NEK11: variants seen among roughly 807,000 people sequenced by gnomAD.
NEK11 encodes the protein NIMA related kinase 11, also known as serine/threonine-protein kinase Nek11.
Under a neutral mutation model 80.7 loss-of-function variants are expected in NEK11, and 72 were observed. The ratio of observed to expected loss-of-function variants is 0.89; its 90% CI spans 0.74 to 1.08. The LOEUF is 1.08. Among genes scored for constraint, NEK11 ranks in the 50% least tolerant of loss-of-function variants. NEK11 has a pLI of 0.00. For synonymous variants in NEK11, 251 were observed against 260.7 expected (o/e 0.96, Z 0.36); for missense variants, 764 against 763.6 (o/e 1.00, Z -0.01).
chr3:131,229,907 AAACTT>A (rs981474171), intron 15 of NEK11, among the ~76,000 whole-genome samples: 28 of 152,278 alleles, frequency 1.8e-4, no homozygotes, highest in African/African-American at 5.8e-4. Context: ...GCCAAAATAA[AAACTT>A]AGCTTATACC....
chr3:131,160,913 G>T (rs1019993506), intron 10 of NEK11, among the ~76,000 whole-genome samples: 2 of 152,182 alleles, frequency 1.3e-5, no homozygotes, highest in African/African-American at 4.8e-5. Flanking sequence ...GGAGCACCCA[G>T]ATTCATAGGG....
intron 17 of NEK11, among the ~76,000 whole-genome samples, chr3:131,317,084 A>C (rs1362965978): frequency 2.6e-5 from 4 of 152,174 alleles, no homozygotes; most frequent in Admixed American, 6.5e-5. Context: ...CTTTTTGTTC[A>C]TCTCATCCAA....
intron 17 of NEK11, among the ~76,000 whole-genome samples, chr3:131,309,035 C>T (rs947516670): frequency 6.6e-6 from 1 of 152,200 alleles, no homozygotes; most frequent in Non-Finnish European, 1.5e-5. Flanking sequence ...GGTGGTAATG[C>T]TCTCTCACCT....
intron 7 of NEK11, among the ~76,000 whole-genome samples, chr3:131,145,242 C>T (rs572277846): frequency 1.2e-3 from 187 of 152,158 alleles, no homozygotes; most frequent in Admixed American, 6.3e-3. Context: ...CTGGCCTCAA[C>T]CATTGTCCCA....
intron 17 of NEK11, among the ~76,000 whole-genome samples, chr3:131,296,930 C>T (rs368414966): frequency 5.9e-5 from 9 of 151,542 alleles, no homozygotes; most frequent in East Asian, 1.9e-4. Flanking sequence ...TTTGTTCTTG[C>T]GATAGTTTAC....
At chr3:131,082,375 C>T (rs1380745459) in intron 4 of NEK11, among the ~76,000 whole-genome samples, 3 of 152,280 alleles carry the variant, frequency 2.0e-5, no homozygotes, top group Non-Finnish European at 2.9e-5. Flanking sequence ...TTACTGCTAC[C>T]TCTATTGCTG....
intron 16 of NEK11, among the ~76,000 whole-genome samples, chr3:131,260,518 C>T (rs1216971112): frequency 6.6e-6 from 1 of 152,178 alleles, no homozygotes; most frequent in Non-Finnish European, 1.5e-5. Context: ...TACTGGAACA[C>T]AGCCATGCTC....
In NEK11 at chr3:131,155,052, A is replaced by G; in HGVS notation, c.893A>G (p.Tyr298Cys). Residue 298 changes from tyrosine to cysteine, a missense_variant, in exon 10 of 18, where the codon TAT becomes TGT. Tyr to Cys is a radical substitution (Grantham distance 194). Transcript: ENST00000383366. ...DEQLQNLMCR[Y>C]SEMTLEDKNL... ...TTTTTTCAGAACCTAATGTGTAGAT[A>G]TTCAGAAATGACTCTGGAAGACAAA... The G allele has an allele frequency of 6.2e-7, 1 of 1,606,636 alleles. No homozygotes were observed. The highest frequency in any genetic ancestry group is 8.5e-7 in the Non-Finnish European group (1 of 1,173,532).
intron 17 of NEK11, among the ~76,000 whole-genome samples, chr3:131,281,416 G>C (rs147586367): frequency 1.3e-5 from 2 of 152,322 alleles, no homozygotes; most frequent in East Asian, 3.9e-4. Flanking sequence ...CTGGAGCACA[G>C]TAGTATATGG....
chr3:131,242,100 A>G (rs939877087), intron 15 of NEK11, among the ~76,000 whole-genome samples: 1 of 152,066 alleles, frequency 6.6e-6, no homozygotes, highest in African/African-American at 2.4e-5. Context: ...AACAGCTACC[A>G]TTCCTCCATA....
chr3:131,149,369 G>A (rs534098951), intron 7 of NEK11, among the ~76,000 whole-genome samples: 4 of 151,978 alleles, frequency 2.6e-5, no homozygotes, highest in South Asian at 4.2e-4. Flanking sequence ...CCAGTCTACC[G>A]TTGATGGGCG....
chr3:131,051,689 G>GA (rs2068437003), intron 3 of NEK11, among the ~76,000 whole-genome samples: 1 of 151,986 alleles, frequency 6.6e-6, no homozygotes, highest in African/African-American at 2.4e-5. Flanking sequence ...TATATATTAA[G>GA]AAAATTTTTT....
chr3:131,174,585 G>A (rs1170679775), intron 14 of NEK11, among the ~76,000 whole-genome samples: 6 of 152,116 alleles, frequency 3.9e-5, no homozygotes, highest in African/African-American at 9.7e-5. Context: ...GTTGACTATA[G>A]CTGATTTAAT....
chr3:131,046,896 T>A (rs1165543153), intron 3 of NEK11, among the ~76,000 whole-genome samples: 1 of 152,246 alleles, frequency 6.6e-6, no homozygotes, highest in Non-Finnish European at 1.5e-5. Context: ...TTTTCCAAAC[T>A]TGTAGATTTC....
intron 14 of NEK11, among the ~76,000 whole-genome samples, chr3:131,203,647 T>TAC (rs200367128): frequency 0.33 from 44,459 of 134,812 alleles, 9,209 homozygotes; most frequent in Middle Eastern, 0.47. Flanking sequence ...GATATTGTGA[T>TAC]ACACACACAC....
chr3:131,080,344 A>T, intron 3 of NEK11, 79 bp from the exon 4 acceptor site: 1 of 1,047,370 alleles, frequency 9.5e-7, no homozygotes, highest in Non-Finnish European at 1.4e-6. Context: ...GCATTAATTA[A>T]TGGCTCTGTA....
chr3:131,168,894 C>T lies in NEK11; in HGVS notation c.1241C>T (p.Ser414Leu), dbSNP rs752333655. The T allele has an allele frequency of 6.2e-7, 1 of 1,613,958 alleles. No individual in the cohort carries two copies. Among genetic ancestry groups the T allele is most frequent in the South Asian group, 1.1e-5 (1 of 91,024 alleles). ...EEQPEGRLSC[S>L]PQDEDEERWQ... ...CAACCTGAGGGAAGACTTTCTTGTTCACCCCAGGACGAGGATGAAGAGAGG... is the reference window on the plus strand; with the variant it reads ...CAACCTGAGGGAAGACTTTCTTGTTTACCCCAGGACGAGGATGAAGAGAGG... The change falls in exon 13 of 18, where the codon TCA (serine) becomes TTA (leucine). Residue 414 changes from serine to leucine, a missense_variant. Ser to Leu is a moderately radical substitution (Grantham distance 145, BLOSUM62 -2). Coordinates refer to ENST00000383366, the MANE Select transcript of NEK11 (RefSeq NM_024800.5).
intron 17 of NEK11, among the ~76,000 whole-genome samples, chr3:131,338,450 T>TA (rs775273612): frequency 5.3e-5 from 8 of 152,064 alleles, no homozygotes; most frequent in Non-Finnish European, 8.8e-5. Context: ...CTTATAAAGT[T>TA]AAATATACAC....
chr3:131,069,546 T>C (rs537078816), intron 3 of NEK11, among the ~76,000 whole-genome samples: 18 of 152,186 alleles, frequency 1.2e-4, no homozygotes, highest in South Asian at 4.1e-4. Context: ...ATTGCGGCAT[T>C]ATTCGCAATA....
Sources: gnomAD v4.1 joint callset for allele counts (sites outside exome capture counted in the v4.1 genomes callset) on GRCh38, gnomAD v4.1.1 for gene constraint, MANE v1.5 for transcripts, NCBI Gene and HGNC (gene_info 2026-07-23, HGNC 2026-07-21) for gene names.